CDH13: variants seen among roughly 807,000 people sequenced by gnomAD.
CDH13 encodes cadherin 13, also known as cadherin-13.
CDH13 carries 24 observed loss-of-function variants against 63.8 expected under a neutral mutation model. The observed-to-expected ratio is 0.38, with a 90% CI of 0.27 to 0.53. The LOEUF is 0.53. Among genes scored for constraint, CDH13 ranks in the 20% least tolerant of loss-of-function variants. CDH13 has a pLI of 0.85. For synonymous variants in CDH13, 503 were observed against 355.3 expected (o/e 1.42, Z -4.67); for missense variants, 1,049 against 903.1 (o/e 1.16, Z -2.07).
chr16:82,682,080 A>G (rs1256366911), intron 1 of CDH13, among the ~76,000 whole-genome samples: 6 of 152,238 alleles, frequency 3.9e-5, no homozygotes, highest in African/African-American at 1.4e-4. Context: ...GATAACATGT[A>G]TTGAATTTTT....
At chr16:83,718,437 C>G (rs1320266358) in intron 10 of CDH13, among the ~76,000 whole-genome samples, 1 of 152,142 alleles carries the variant, frequency 6.6e-6, no homozygotes, top group Non-Finnish European at 1.5e-5. Context: ...TGAGCGTTTT[C>G]AAGAGTGAAG....
At chr16:82,632,999 A>G (rs1908204504) in intron 1 of CDH13, among the ~76,000 whole-genome samples, 1 of 152,144 alleles carries the variant, frequency 6.6e-6, no homozygotes, top group African/African-American at 2.4e-5. Flanking sequence ...GCCACGGCTG[A>G]TCTGACAGGA....
chr16:82,968,180 C>G (rs1170468404), intron 2 of CDH13, among the ~76,000 whole-genome samples: 1 of 152,118 alleles, frequency 6.6e-6, no homozygotes, highest in African/African-American at 2.4e-5. Context: ...TGTTGCTACC[C>G]TTATTTATTC....
intron 11 of CDH13, among the ~76,000 whole-genome samples, chr16:83,758,901 C>T (rs564817931): frequency 6.6e-5 from 10 of 152,124 alleles, no homozygotes; most frequent in South Asian, 2.1e-4. Context: ...CCCACATTAA[C>T]GGAGAGATAT....
chr16:83,562,448 A>G (rs2075725713), intron 7 of CDH13, among the ~76,000 whole-genome samples: 2 of 152,196 alleles, frequency 1.3e-5, no homozygotes, highest in Non-Finnish European at 2.9e-5. Flanking sequence ...CAGGAACAAC[A>G]CTGGGTTACA....
intron 2 of CDH13, among the ~76,000 whole-genome samples, chr16:83,004,883 T>C (rs1312828311): frequency 6.6e-6 from 1 of 152,190 alleles, no homozygotes; most frequent in Non-Finnish European, 1.5e-5. Context: ...CCAAGTAGCA[T>C]GGATGGAGAT....
At chr16:83,014,778 A>ATG (rs1242300977) in intron 2 of CDH13, among the ~76,000 whole-genome samples, 4 of 113,842 alleles carry the variant, frequency 3.5e-5, no homozygotes, top group Non-Finnish European at 7.1e-5. Flanking sequence ...ATATATATGT[A>ATG]TATATATATA....
chr16:83,630,393 G>T (rs1910671679), intron 8 of CDH13, among the ~76,000 whole-genome samples: 1 of 152,192 alleles, frequency 6.6e-6, no homozygotes, highest in Non-Finnish European at 1.5e-5. Context: ...GAGGTGCTCA[G>T]GGTATAACCT....
chr16:83,273,412 T>G (rs1015515991), intron 5 of CDH13, among the ~76,000 whole-genome samples: 9 of 151,992 alleles, frequency 5.9e-5, no homozygotes, highest in African/African-American at 2.2e-4. Flanking sequence ...ATAGACATAG[T>G]AGTGTCTATT....
At chr16:83,706,847 G>T (rs1907143436) in intron 10 of CDH13, among the ~76,000 whole-genome samples, 1 of 152,188 alleles carries the variant, frequency 6.6e-6, no homozygotes, top group Non-Finnish European at 1.5e-5. Flanking sequence ...TCAGCTCCAA[G>T]TATTTTCCAT....
intron 1 of CDH13, among the ~76,000 whole-genome samples, chr16:82,749,396 C>A (rs966631504): frequency 2.6e-5 from 4 of 152,132 alleles, no homozygotes; most frequent in Non-Finnish European, 4.4e-5. Context: ...AGAGAGGTAA[C>A]CCTGATGGAG....
chr16:83,217,259 G>T (rs1567514807), intron 4 of CDH13, 86 bp from the exon 5 acceptor site: 1 of 1,374,488 alleles, frequency 7.3e-7, no homozygotes, highest in Non-Finnish European at 1.0e-6. Context: ...CCTGTGATTA[G>T]TGAATTGCTC....
chr16:83,280,629 T>A (rs1459280044), intron 5 of CDH13, among the ~76,000 whole-genome samples: 3 of 152,216 alleles, frequency 2.0e-5, no homozygotes, highest in Non-Finnish European at 4.4e-5. Flanking sequence ...TCCCGAAGGT[T>A]TTCAGTTTAC....
intron 5 of CDH13, among the ~76,000 whole-genome samples, chr16:83,317,375 CA>C (rs2090129817): frequency 6.6e-6 from 1 of 152,148 alleles, no homozygotes; most frequent in African/African-American, 2.4e-5. Context: ...CAGCAAGCTC[CA>C]AGGTCAAAGC....
chr16:83,261,447 A>G (rs1906981498), intron 5 of CDH13, among the ~76,000 whole-genome samples: 1 of 152,110 alleles, frequency 6.6e-6, no homozygotes, highest in Non-Finnish European at 1.5e-5. Flanking sequence ...TCTGGTAGGT[A>G]AGAACATATT....
chr16:82,657,853 T>C (rs1225352662), intron 1 of CDH13, among the ~76,000 whole-genome samples: 24 of 152,218 alleles, frequency 1.6e-4, no homozygotes, highest in Admixed American at 1.6e-3. Flanking sequence ...TAGATAATCA[T>C]TTTATCTGCA....
intron 10 of CDH13, among the ~76,000 whole-genome samples, chr16:83,720,683 C>T (rs1300451058): frequency 6.6e-6 from 1 of 152,150 alleles, no homozygotes; most frequent in East Asian, 1.9e-4. Flanking sequence ...GACAGGGTGC[C>T]AGACACCTTT....
chr16:83,396,564 C>G (rs1002294087), intron 6 of CDH13: 2 of 152,050 alleles, frequency 1.3e-5, no homozygotes, highest in African/African-American at 4.8e-5. Context: ...AATTTTATGT[C>G]CCTGAAGGGT....
intron 2 of CDH13, among the ~76,000 whole-genome samples, chr16:82,913,181 G>T (rs1013580165): frequency 6.6e-6 from 1 of 152,024 alleles, no homozygotes; most frequent in South Asian, 2.1e-4. Flanking sequence ...ACTTTAAAAT[G>T]GTCTAAAAAG....
Sources: gnomAD v4.1 joint callset for allele counts (sites outside exome capture counted in the v4.1 genomes callset) on GRCh38, gnomAD v4.1.1 for gene constraint, MANE v1.5 for transcripts, NCBI Gene and HGNC (gene_info 2026-07-23, HGNC 2026-07-21) for gene names.